The following TRPM3 variants were observed in gnomAD, a reference collection of about 807,000 sequenced individuals.
TRPM3 encodes long transient receptor potential channel 3.
A neutral mutation model predicts 181.2 loss-of-function variants in TRPM3; 77 were observed. The ratio of observed to expected loss-of-function variants is 0.42; its 90% CI spans 0.35 to 0.51. The LOEUF is 0.51. Ranked by LOEUF, TRPM3 falls within the 20% of genes least tolerant of loss-of-function variation. The pLI is 0.01. For missense variants in TRPM3, 1,759 were observed against 2,196.7 expected (o/e 0.80, Z 3.98); for synonymous variants, 745 against 796.4 (o/e 0.94, Z 1.09).
chr9:71,105,308 G>A lies in TRPM3; in HGVS notation c.177+15870C>T, dbSNP rs566135154. 2.6e-5 allele frequency among the ~76,000 whole-genome samples: 4 copies of A among 152,252 alleles called. No homozygotes were observed. The South Asian group carries it at 8.3e-4, about 32-fold the overall frequency. On this transcript the variant is annotated intron_variant, in intron 1 of 25. Coordinates refer to ENST00000677713, the MANE Select transcript of TRPM3 (RefSeq NM_001366145.2). ...TGGCCAATCAGATGTGGCCATGAGA[G>A]GAGGCACAGGAGAGACTCAGGAAAA...
chr9:70,903,807 A>T (rs1392637309), intron 1 of TRPM3, among the ~76,000 whole-genome samples: 2 of 152,178 alleles, frequency 1.3e-5, no homozygotes, highest in African/African-American at 4.8e-5. Flanking sequence ...AGAGATGTAC[A>T]ATGAATGAGT....
At chr9:71,228,710 C>T (rs527488031) in intron 1 of TRPM3, among the ~76,000 whole-genome samples, 3 of 152,150 alleles carry the variant, frequency 2.0e-5, no homozygotes, top group East Asian at 3.9e-4. Flanking sequence ...AATAATCACA[C>T]TTACAATAGC....
intron 1 of TRPM3, among the ~76,000 whole-genome samples, chr9:71,263,983 T>A (rs1297158485): frequency 6.6e-6 from 1 of 152,152 alleles, no homozygotes; most frequent in Non-Finnish European, 1.5e-5. Flanking sequence ...AAGGTCTCAC[T>A]ATGTTGCCCA....
chr9:71,319,525 T>C (rs1045544751), intron 1 of TRPM3, among the ~76,000 whole-genome samples: 4 of 152,110 alleles, frequency 2.6e-5, no homozygotes, highest in African/African-American at 9.7e-5. Flanking sequence ...GCTTGGATGA[T>C]GCCTGCCCAC....
At chr9:71,418,103 A>AAAT (rs991880499) in intron 1 of TRPM3, among the ~76,000 whole-genome samples, 3 of 151,834 alleles carry the variant, frequency 2.0e-5, no homozygotes, top group Admixed American at 6.6e-5. Context: ...GTGTGCTTTA[A>AAAT]AATAATAATA....
At chr9:71,180,050 C>CTTTTTTTTTTTTTT (rs35877663) in intron 1 of TRPM3, among the ~76,000 whole-genome samples, 7 of 101,180 alleles carry the variant, frequency 6.9e-5, no homozygotes, top group African/African-American at 2.2e-4. Context: ...ATACATCCTT[C>CTTTTTTTTTTTTTT]TTTTTTTTTT....
chr9:70,936,856 A>G (rs747577415), intron 1 of TRPM3, among the ~76,000 whole-genome samples: 7 of 152,216 alleles, frequency 4.6e-5, no homozygotes, highest in Non-Finnish European at 4.4e-5. Context: ...AAATTTAAAT[A>G]ACATTTCTCT....
chr9:70,748,399 A>G (rs1018104216), intron 8 of TRPM3, among the ~76,000 whole-genome samples: 2 of 152,150 alleles, frequency 1.3e-5, no homozygotes, highest in Non-Finnish European at 2.9e-5. Flanking sequence ...TATGTTCTAA[A>G]TAAAGGTAGA....
intron 19 of TRPM3, among the ~76,000 whole-genome samples, chr9:70,606,223 C>T (rs1389509019): frequency 6.6e-6 from 1 of 152,156 alleles, no homozygotes; most frequent in Non-Finnish European, 1.5e-5. Context: ...TCTGTATCTC[C>T]CAACACACTG....
chr9:71,383,379 A>C (rs1297143698), intron 1 of TRPM3, among the ~76,000 whole-genome samples: 1 of 152,038 alleles, frequency 6.6e-6, no homozygotes, highest in East Asian at 1.9e-4. Context: ...TATGGACTGC[A>C]TCTATTTGCA....
intron 1 of TRPM3, among the ~76,000 whole-genome samples, chr9:71,398,321 A>C (rs1344834783): frequency 1.3e-5 from 2 of 152,202 alleles, no homozygotes; most frequent in African/African-American, 4.8e-5. Context: ...AATAGGATTA[A>C]TACACTATTT....
chr9:70,644,719 A>C (rs1359886598), intron 9 of TRPM3, among the ~76,000 whole-genome samples: 1 of 152,184 alleles, frequency 6.6e-6, no homozygotes, highest in East Asian at 1.9e-4. Context: ...GAAATCAGGC[A>C]AGAGAAAGAA....
At chr9:70,883,542 G>A (rs1323290168) in intron 1 of TRPM3, among the ~76,000 whole-genome samples, 1 of 152,180 alleles carries the variant, frequency 6.6e-6, no homozygotes, top group Non-Finnish European at 1.5e-5. Flanking sequence ...GCTTGAGAAA[G>A]TGGTCTCTGA....
intron 1 of TRPM3, among the ~76,000 whole-genome samples, chr9:70,944,028 C>A (rs552041894): frequency 6.6e-6 from 1 of 152,310 alleles, no homozygotes; most frequent in South Asian, 2.1e-4. Flanking sequence ...GGTCCGCCCC[C>A]CACCTTGGCC....
At chr9:71,067,430 G>A (rs2062071429) in intron 1 of TRPM3, among the ~76,000 whole-genome samples, 1 of 152,186 alleles carries the variant, frequency 6.6e-6, no homozygotes, top group Admixed American at 6.5e-5. Flanking sequence ...AAGTGCAGAA[G>A]TTAGCAGGAA....
At chr9:71,285,484 G>C (rs1013487025) in intron 1 of TRPM3, among the ~76,000 whole-genome samples, 7 of 152,168 alleles carry the variant, frequency 4.6e-5, no homozygotes, top group Admixed American at 2.0e-4. Context: ...GCCATCGAGA[G>C]ACTGATGTGG....
intron 1 of TRPM3, among the ~76,000 whole-genome samples, chr9:71,239,795 G>A (rs1055659224): frequency 7.2e-5 from 11 of 152,004 alleles, no homozygotes; most frequent in African/African-American, 2.7e-4. Context: ...AATTAAATAG[G>A]AATGCGGAAA....
Position 70,531,064 on chromosome 9 carries a change from G to A in TRPM3, c.*4889C>T, listed in dbSNP as rs977102597. 3 of 152,182 alleles carry A rather than the reference G, an allele frequency of 2.0e-5. No homozygotes were observed. The highest frequency in any genetic ancestry group is 4.8e-5 in the African/African-American group (2 of 41,428). 9.4% of individuals were successfully genotyped at this position (152,182 alleles called of 1,614,324 possible). Reference sequence around the variant, plus strand: ...TATCATTGGATCACACATTCACAGCGATCTGCGCACTTCTGCACTATCACA... The same window carrying A: ...TATCATTGGATCACACATTCACAGCAATCTGCGCACTTCTGCACTATCACA... On this transcript the variant is annotated 3_prime_UTR_variant, in exon 26 of 26. Transcript: ENST00000677713.
intron 22 of TRPM3, among the ~76,000 whole-genome samples, chr9:70,571,451 G>C (rs2052332578): frequency 6.6e-6 from 1 of 152,116 alleles, no homozygotes; most frequent in Admixed American, 6.5e-5. Context: ...TCAGAGTCCA[G>C]GTTTCTGAGC....
Sources: allele counts gnomAD v4.1 joint callset (sites outside exome capture counted in the v4.1 genomes callset), GRCh38; gene constraint gnomAD v4.1.1; transcripts MANE v1.5; gene names NCBI Gene and HGNC (gene_info 2026-07-23, HGNC 2026-07-21).